The following PTPRN2 variants were observed in gnomAD, a reference collection of about 807,000 sequenced individuals.
PTPRN2 encodes the protein protein tyrosine phosphatase receptor type N2.
PTPRN2 carries 74 observed loss-of-function variants against 118.8 expected under a neutral mutation model. The ratio of observed to expected loss-of-function variants is 0.62; its 90% CI spans 0.52 to 0.76. The LOEUF (loss-of-function observed/expected upper bound fraction) is 0.76, where lower values mean the gene tolerates loss of function less well. Among genes scored for constraint, PTPRN2 ranks in the 30% least tolerant of loss-of-function variants. The pLI is 0.00. For synonymous variants in PTPRN2, 641 were observed against 608.0 expected (o/e 1.05, Z -0.80); for missense variants, 1,481 against 1,394.4 (o/e 1.06, Z -0.99).
chr7:158,472,420 G>A (rs1819926928), intron 2 of PTPRN2, among the ~76,000 whole-genome samples: 1 of 152,200 alleles, frequency 6.6e-6, no homozygotes, highest in Non-Finnish European at 1.5e-5. Flanking sequence ...GTCAGTGACG[G>A]TGCAGAAATC....
intron 6 of PTPRN2, among the ~76,000 whole-genome samples, chr7:158,154,013 G>T (rs560847602): frequency 6.6e-6 from 1 of 152,304 alleles, no homozygotes; most frequent in East Asian, 1.9e-4. Context: ...CCATGGGAGG[G>T]TTCGTTCAAG....
chr7:158,218,417 C>T (rs546641070), intron 3 of PTPRN2, among the ~76,000 whole-genome samples: 36 of 152,170 alleles, frequency 2.4e-4, no homozygotes, highest in African/African-American at 6.3e-4. Context: ...TCATTAGACC[C>T]GCTTTACAAA....
At chr7:158,388,573 C>T (rs1811685016) in intron 2 of PTPRN2, among the ~76,000 whole-genome samples, 1 of 152,230 alleles carries the variant, frequency 6.6e-6, no homozygotes, top group Non-Finnish European at 1.5e-5. Flanking sequence ...AGGCTCCCTG[C>T]ACCTCCACGT....
chr7:157,781,402 C>T (rs940092616), intron 12 of PTPRN2, among the ~76,000 whole-genome samples: 1 of 133,752 alleles, frequency 7.5e-6, no homozygotes, highest in Non-Finnish European at 1.5e-5. Flanking sequence ...TTACAACATG[C>T]GTGCCCTTCT....
intron 1 of PTPRN2, among the ~76,000 whole-genome samples, chr7:158,584,249 C>T (rs368013131): frequency 3.0e-4 from 45 of 152,270 alleles, no homozygotes; most frequent in African/African-American, 1.1e-3. Context: ...CCCCCCTAAA[C>T]ATAGGGGCCA....
At chr7:158,262,620 CAT>C (rs374386372) in intron 3 of PTPRN2, among the ~76,000 whole-genome samples, 7,731 of 148,224 alleles carry the variant, frequency 0.052, 259 homozygotes, top group Middle Eastern at 0.089. Flanking sequence ...TGCACACACA[CAT>C]ACATTCACAC....
rs185229655 is a variant in PTPRN2, at chr7:158,124,577, A to G, written c.1556+9100T>C. Among the ~76,000 whole-genome samples, 519 of 152,344 alleles carry G rather than the reference A, an allele frequency of 3.4e-3. 3 individuals carry two copies. The highest frequency in any genetic ancestry group is 0.012 in the African/African-American group (491 of 41,578). On this transcript the variant is annotated intron_variant, in intron 9 of 22. Transcript: ENST00000389418. Reference sequence around the variant, plus strand: ...GATGCTCAGAGTCTTGAAGAAACATAATGGAAAATTGGTGACAAAGAGACT... The same window carrying G: ...GATGCTCAGAGTCTTGAAGAAACATGATGGAAAATTGGTGACAAAGAGACT...
intron 12 of PTPRN2, among the ~76,000 whole-genome samples, chr7:157,891,772 C>G (rs1015392): frequency 6.6e-6 from 1 of 152,142 alleles, no homozygotes; most frequent in African/African-American, 2.4e-5. Flanking sequence ...GTGAGGGTAG[C>G]GTGAGCTGAG....
chr7:158,320,101 TCTCC>T lies in PTPRN2; in HGVS notation c.164-3173_164-3170del, dbSNP rs1563133902. ...GCCTCCCTCACACACACTCACATAGTCTCCCTCACACACACACACAGCCTCCCTC... is the reference window on the plus strand; with the variant it reads ...GCCTCCCTCACACACACTCACATAGTCTCACACACACACACAGCCTCCCTC... On this transcript the variant is annotated intron_variant, in intron 2 of 22. Transcript: ENST00000389418. Among the ~76,000 whole-genome samples, 39 of 31,902 alleles carry T rather than the reference TCTCC, an allele frequency of 1.2e-3. 1 individual carries two copies. Among genetic ancestry groups the T allele is most frequent in the Middle Eastern group, 0.017 (1 of 58 alleles). The allele number at this position is 31,902 out of a possible 152,430, so 20.9% of individuals were successfully genotyped here.
intron 20 of PTPRN2, 121 bp from the exon 21 acceptor site, chr7:157,569,087 G>A: frequency 9.5e-6 from 9 of 944,926 alleles, no homozygotes; most frequent in South Asian, 8.4e-5. Context: ...AAAGGATGGC[G>A]GATGTGAGAG....
intron 2 of PTPRN2, among the ~76,000 whole-genome samples, chr7:158,333,280 A>T (rs1370542701): frequency 7.8e-6 from 1 of 128,474 alleles, no homozygotes; most frequent in Non-Finnish European, 1.7e-5. Flanking sequence ...TCACACCCAC[A>T]CTCTCACCAT....
At chr7:157,914,342 T>C (rs928000402) in intron 11 of PTPRN2, among the ~76,000 whole-genome samples, 1 of 152,122 alleles carries the variant, frequency 6.6e-6, no homozygotes, top group Non-Finnish European at 1.5e-5. Context: ...TGAGTACTGG[T>C]GTCTTACATC....
At chr7:158,156,386 A>G (rs900498119) in intron 6 of PTPRN2, among the ~76,000 whole-genome samples, 2 of 152,212 alleles carry the variant, frequency 1.3e-5, no homozygotes, top group Non-Finnish European at 2.9e-5. Context: ...TCAGAACGTG[A>G]ACTGACGGAC....
intron 6 of PTPRN2, among the ~76,000 whole-genome samples, chr7:158,145,712 G>C (rs367650011): frequency 6.6e-6 from 1 of 152,232 alleles, no homozygotes. Context: ...GATTATTCTA[G>C]AATCTGTAGG....
At chr7:157,856,930 G>T (rs1362700540) in intron 12 of PTPRN2, among the ~76,000 whole-genome samples, 1 of 152,102 alleles carries the variant, frequency 6.6e-6, no homozygotes, top group Non-Finnish European at 1.5e-5. Context: ...GACTTCCACG[G>T]CTCATGATTT....
At chr7:157,892,575 T>A (rs1796870179) in intron 12 of PTPRN2, among the ~76,000 whole-genome samples, 1 of 152,238 alleles carries the variant, frequency 6.6e-6, no homozygotes, top group Non-Finnish European at 1.5e-5. Flanking sequence ...AGAGATTTAG[T>A]AAATGCTATT....
At chr7:157,685,038 A>G (rs1797109183) in intron 12 of PTPRN2, among the ~76,000 whole-genome samples, 1 of 151,332 alleles carries the variant, frequency 6.6e-6, no homozygotes, top group African/African-American at 2.4e-5. Context: ...CCTGGGCGGG[A>G]GGGCTTTTCC....
intron 2 of PTPRN2, among the ~76,000 whole-genome samples, chr7:158,365,967 TGCACACAC>T (rs1435586384): frequency 7.8e-5 from 5 of 64,370 alleles, no homozygotes; most frequent in African/African-American, 1.8e-4. Context: ...CATGCACACA[TGCACACAC>T]ACCCACAGCA....
chr7:158,489,031 C>T (rs1256626047), intron 2 of PTPRN2, among the ~76,000 whole-genome samples: 1 of 152,252 alleles, frequency 6.6e-6, no homozygotes, highest in Non-Finnish European at 1.5e-5. Context: ...CTGCAGGACC[C>T]GCTGCTCGCC....
Sources: allele counts gnomAD v4.1 joint callset (sites outside exome capture counted in the v4.1 genomes callset), GRCh38; gene constraint gnomAD v4.1.1; transcripts MANE v1.5; gene names NCBI Gene and HGNC (gene_info 2026-07-23, HGNC 2026-07-21).